ZNRF1: variants seen among roughly 807,000 people sequenced by gnomAD.
The protein encoded by ZNRF1 is zinc and ring finger 1.
Under a neutral mutation model 18.4 loss-of-function variants are expected in ZNRF1, and 3 were observed. That is an observed-to-expected ratio of 0.16 (90% CI 0.07 to 0.42). The LOEUF (loss-of-function observed/expected upper bound fraction) is 0.42, where lower values mean the gene tolerates loss of function less well. Among genes scored for constraint, ZNRF1 ranks in the 10% least tolerant of loss-of-function variants. The probability of loss-of-function intolerance (pLI) is 0.99; values close to 1 mark genes in which losing one functional copy is unlikely to be tolerated. For missense variants in ZNRF1, 310 were observed against 329.8 expected (o/e 0.94, Z 0.47); for synonymous variants, 157 against 144.2 (o/e 1.09, Z -0.64).
chr16:75,091,213 G>A (rs1452687355), intron 1 of ZNRF1, among the ~76,000 whole-genome samples: 1 of 152,004 alleles, frequency 6.6e-6, no homozygotes, highest in Non-Finnish European at 1.5e-5. Flanking sequence ...ACAAAAATTA[G>A]CCAGGCATGG....
chr16:75,059,144 C>G (rs965252273), intron 1 of ZNRF1, among the ~76,000 whole-genome samples: 1 of 152,000 alleles, frequency 6.6e-6, no homozygotes, highest in Admixed American at 6.6e-5. Flanking sequence ...TACCCTTTGC[C>G]CTTGTAGGCT....
At position 75,010,701 on chromosome 16, in the gene ZNRF1, G is replaced by GTTT. The variant is rs1334552920; in HGVS notation, c.424+10613_424+10615dup. The stretch of plus-strand genomic sequence containing the variant: ...AAATTAGTCACCTCTGTACTGTACT[G>GTTT]TTTTTTTTTGTTTTTTTGTTTTTTT... On this transcript the variant is annotated intron_variant, in intron 1 of 4. Transcript: ENST00000335325. Among the ~76,000 whole-genome samples the GTTT allele has an allele frequency of 6.0e-4, 38 of 63,742 alleles. 1 individual carries two copies. Among genetic ancestry groups the GTTT allele is most frequent in the African/African-American group, 8.5e-4 (19 of 22,264 alleles). The allele number at this position is 63,742 out of a possible 152,430, so 41.8% of individuals were successfully genotyped here.
At chr16:75,010,230 G>A (rs1369365339) in intron 1 of ZNRF1, among the ~76,000 whole-genome samples, 1 of 152,052 alleles carries the variant, frequency 6.6e-6, no homozygotes, top group Non-Finnish European at 1.5e-5. Flanking sequence ...TGATCCACCC[G>A]CCTCAGCCTC....
intron 1 of ZNRF1, among the ~76,000 whole-genome samples, chr16:75,068,510 C>T (rs1028466066): frequency 2.0e-5 from 3 of 152,172 alleles, no homozygotes; most frequent in Non-Finnish European, 4.4e-5. Flanking sequence ...TCTACTGCTC[C>T]TTTTTCACGG....
At chr16:75,004,287 T>G (rs983835899) in intron 1 of ZNRF1, among the ~76,000 whole-genome samples, 1 of 152,156 alleles carries the variant, frequency 6.6e-6, no homozygotes, top group Non-Finnish European at 1.5e-5. Flanking sequence ...GCAGAGTGAC[T>G]CCCTTTCCAC....
intron 1 of ZNRF1, among the ~76,000 whole-genome samples, chr16:75,019,552 T>G (rs569857299): frequency 5.3e-5 from 8 of 152,290 alleles, no homozygotes; most frequent in African/African-American, 1.9e-4. Context: ...ATATTTCATT[T>G]GTACTTTAGA....
At chr16:75,007,414 T>G (rs1361555478) in intron 1 of ZNRF1, among the ~76,000 whole-genome samples, 1 of 152,186 alleles carries the variant, frequency 6.6e-6, no homozygotes, top group African/African-American at 2.4e-5. Flanking sequence ...ACTGTTTACC[T>G]TGAGACCTCC....
chr16:75,094,723 C>G (rs145401411), intron 2 of ZNRF1, among the ~76,000 whole-genome samples: 2 of 152,316 alleles, frequency 1.3e-5, no homozygotes, highest in African/African-American at 4.8e-5. Context: ...GACTTCTCCT[C>G]AGTGCTGCTC....
intron 1 of ZNRF1, among the ~76,000 whole-genome samples, chr16:75,083,515 A>G (rs1346515954): frequency 6.6e-6 from 1 of 152,228 alleles, no homozygotes; most frequent in African/African-American, 2.4e-5. Context: ...TACTAAGAGG[A>G]TCTTTATAGT....
At chr16:75,023,938 T>A (rs937091956) in intron 1 of ZNRF1, among the ~76,000 whole-genome samples, 1 of 149,944 alleles carries the variant, frequency 6.7e-6, no homozygotes, top group Admixed American at 6.6e-5. Context: ...TGGTGTGATC[T>A]CGGCCCACTG....
chr16:75,094,784 G>A (rs969611476), intron 2 of ZNRF1, among the ~76,000 whole-genome samples: 1 of 152,120 alleles, frequency 6.6e-6, no homozygotes, highest in African/African-American at 2.4e-5. Flanking sequence ...GTTTAGTCTG[G>A]TCTCCAAACC....
intron 1 of ZNRF1, among the ~76,000 whole-genome samples, chr16:75,078,568 G>A (rs2035972037): frequency 1.3e-5 from 2 of 152,010 alleles, no homozygotes; most frequent in South Asian, 4.1e-4. Context: ...CAAAGTGCTG[G>A]GATTACAGGC....
At chr16:75,033,626 G>A (rs914844575) in intron 1 of ZNRF1, among the ~76,000 whole-genome samples, 4 of 151,846 alleles carry the variant, frequency 2.6e-5, no homozygotes, top group African/African-American at 7.3e-5. Context: ...TGGTAGAAGC[G>A]GGGTTTCCCC....
chr16:75,026,335 C>T (rs764832642), intron 1 of ZNRF1, among the ~76,000 whole-genome samples: 2 of 151,874 alleles, frequency 1.3e-5, no homozygotes, highest in African/African-American at 2.4e-5. Flanking sequence ...GGCATAGAAC[C>T]TGGAAACAAG....
chr16:75,017,730 G>C (rs1297218189), intron 1 of ZNRF1, among the ~76,000 whole-genome samples: 1 of 152,194 alleles, frequency 6.6e-6, no homozygotes, highest in African/African-American at 2.4e-5. Context: ...CTCCCAAGGT[G>C]CTTGGATCCA....
chr16:75,021,145 A>T (rs968113190), intron 1 of ZNRF1, among the ~76,000 whole-genome samples: 5 of 152,160 alleles, frequency 3.3e-5, no homozygotes, highest in Middle Eastern at 3.4e-3. Flanking sequence ...GGTTCAAGTG[A>T]TTCTCCTGCC....
At chr16:75,008,715 C>T (rs957710048) in intron 1 of ZNRF1, among the ~76,000 whole-genome samples, 4 of 152,144 alleles carry the variant, frequency 2.6e-5, no homozygotes, top group African/African-American at 9.7e-5. Context: ...TTAACTTATT[C>T]TTTCCAAGAA....
At chr16:75,095,632 T>G in intron 2 of ZNRF1, 1 of 1,549,906 alleles carries the variant, frequency 6.5e-7, no homozygotes, top group Non-Finnish European at 8.7e-7. Flanking sequence ...GGGCTCAGCC[T>G]GAGAAAACCT....
At chr16:75,073,952 A>G (rs2035905925) in intron 1 of ZNRF1, among the ~76,000 whole-genome samples, 1 of 152,140 alleles carries the variant, frequency 6.6e-6, no homozygotes, top group African/African-American at 2.4e-5. Flanking sequence ...CGTAAATGTC[A>G]GGAAGGTAGG....
Sources: gnomAD v4.1 joint callset for allele counts (sites outside exome capture counted in the v4.1 genomes callset) on GRCh38, gnomAD v4.1.1 for gene constraint, MANE v1.5 for transcripts, NCBI Gene and HGNC (gene_info 2026-07-23, HGNC 2026-07-21) for gene names.